Variants in SLC25A42 observed in about 807,000 individuals in gnomAD.
SLC25A42 encodes solute carrier family 25 member 42.
In SLC25A42, 19 loss-of-function variants were observed where a neutral mutation model predicts 34.7. That is an observed-to-expected ratio of 0.55 (90% CI 0.38 to 0.80). The LOEUF (loss-of-function observed/expected upper bound fraction) is 0.80, where lower values mean the gene tolerates loss of function less well. Ranked by LOEUF, SLC25A42 falls within the 30% of genes least tolerant of loss-of-function variation. SLC25A42 has a pLI of 0.00. For missense variants in SLC25A42, 364 were observed against 441.3 expected (o/e 0.82, Z 1.57); for synonymous variants, 205 against 191.2 (o/e 1.07, Z -0.59).
At chr19:19,075,006 T>G (rs1425908575) in intron 1 of SLC25A42, among the ~76,000 whole-genome samples, 1 of 151,902 alleles carries the variant, frequency 6.6e-6, no homozygotes, top group East Asian at 1.9e-4. Context: ...ATTTTAAAAT[T>G]AGCTGGGCAT....
intron 1 of SLC25A42, among the ~76,000 whole-genome samples, chr19:19,087,287 C>A (rs1305137349): frequency 2.6e-5 from 4 of 151,852 alleles, no homozygotes; most frequent in Non-Finnish European, 4.4e-5. Flanking sequence ...ATGTCAGGAT[C>A]TCTTTTTGGT....
At position 19,096,117 on chromosome 19, in the gene SLC25A42, G is replaced by A; in HGVS notation, c.-8G>A. 6.2e-7 allele frequency: 1 copy of A among 1,613,690 alleles called. No homozygotes were observed. The highest frequency in any genetic ancestry group is 8.5e-7 in the Non-Finnish European group (1 of 1,179,812). ...ACCGAGTCTCCTGCCATTCCGAGCA[G>A]GCCTGGTATGGGTAATGGTGTGAAG... On this transcript the variant is annotated 5_prime_UTR_variant, in exon 2 of 8. Transcript: ENST00000318596.
intron 2 of SLC25A42, among the ~76,000 whole-genome samples, chr19:19,101,395 A>G (rs1052642520): frequency 6.6e-6 from 1 of 152,100 alleles, no homozygotes; most frequent in Non-Finnish European, 1.5e-5. Flanking sequence ...CCTGACCCCA[A>G]CGGTCCCTGG....
intron 1 of SLC25A42, among the ~76,000 whole-genome samples, chr19:19,086,107 T>C (rs769837460): frequency 6.6e-5 from 10 of 152,204 alleles, no homozygotes; most frequent in Non-Finnish European, 1.0e-4. Flanking sequence ...GGACTTGGCA[T>C]GCCCCAGAAG....
At chr19:19,092,719 T>C (rs577391480) in intron 1 of SLC25A42, among the ~76,000 whole-genome samples, 5 of 152,178 alleles carry the variant, frequency 3.3e-5, no homozygotes, top group South Asian at 2.1e-4. Flanking sequence ...GCTGAATCCT[T>C]TCTGGGGAAG....
chr19:19,072,056 T>C (rs976325079), intron 1 of SLC25A42, among the ~76,000 whole-genome samples: 1 of 152,174 alleles, frequency 6.6e-6, no homozygotes, highest in Non-Finnish European at 1.5e-5. Context: ...TCTTGCTGTG[T>C]TGCCCAGGCT....
intron 1 of SLC25A42, among the ~76,000 whole-genome samples, chr19:19,072,246 G>T (rs1015238577): frequency 6.6e-6 from 1 of 152,226 alleles, no homozygotes; most frequent in African/African-American, 2.4e-5. Context: ...AATGGGATTT[G>T]CCCCAGCCCT....
chr19:19,104,804 G>A (rs78080220), intron 3 of SLC25A42, 109 bp from the exon 4 acceptor site: 12 of 918,836 alleles, frequency 1.3e-5, no homozygotes, highest in African/African-American at 4.3e-5. Context: ...GGACAAGATT[G>A]GGGGGAAAAG....
chr19:19,103,510 T>C (rs1357019143), intron 3 of SLC25A42, among the ~76,000 whole-genome samples: 1 of 150,944 alleles, frequency 6.6e-6, no homozygotes, highest in Non-Finnish European at 1.5e-5. Flanking sequence ...AAGGTCACCT[T>C]CTTGGAGACT....
At chr19:19,095,951 C>A (rs931284920) in intron 1 of SLC25A42, 140 bp from the exon 2 acceptor site, 15 of 707,350 alleles carry the variant, frequency 2.1e-5, no homozygotes, top group Admixed American at 8.0e-5. Context: ...GCAGTACACA[C>A]AGGACCGTGG....
chr19:19,097,152 C>T (rs1367313005), intron 2 of SLC25A42, among the ~76,000 whole-genome samples: 1 of 152,216 alleles, frequency 6.6e-6, no homozygotes, highest in African/African-American at 2.4e-5. Flanking sequence ...ACAGACCGAC[C>T]CAGCCCCACG....
Position 19,110,567 on chromosome 19 carries a change from A to G in SLC25A42, c.650-2A>G. ...ACGGCCCTCCCGCCCCTCGCCCTGC[A>G]GAGTACAGCGGCCGCCGGCAGCCCT... On this transcript the variant is annotated splice_acceptor_variant, in intron 7 of 7. Transcript: ENST00000318596. LOFTEE classifies it high-confidence loss of function. The G allele has an allele frequency of 1.4e-6, 2 of 1,412,910 alleles. No homozygotes were observed. The highest frequency in any genetic ancestry group is 1.8e-6 in the Non-Finnish European group (2 of 1,091,668). 87.5% of individuals were successfully genotyped at this position (1,412,910 alleles called of 1,614,324 possible).
intron 3 of SLC25A42, 77 bp from the exon 4 acceptor site, chr19:19,104,836 T>G: frequency 6.5e-7 from 1 of 1,536,574 alleles, no homozygotes; most frequent in East Asian, 2.3e-5. Flanking sequence ...TGCTAGTGGG[T>G]GCCAGGGGTG....
At position 19,081,534 on chromosome 19, in the gene SLC25A42, C is replaced by T. The variant is rs2059681939; in HGVS notation, c.-34-14557C>T. Among the ~76,000 whole-genome samples the T allele has an allele frequency of 1.3e-5, 2 of 152,124 alleles. No homozygotes were observed. Among genetic ancestry groups the T allele is most frequent in the South Asian group, 4.1e-4 (2 of 4,832 alleles). On this transcript the variant is annotated intron_variant, in intron 1 of 7. Transcript: ENST00000318596. This position sits in a 1 kb window ranked among gnomAD's most constrained non-coding sequence, Gnocchi z 4.5. ...GGAAGCCGAGGTGGGGGCTGATGGG[C>T]GTAGGTAGACTACCTGTCCCTTATA...
intron 4 of SLC25A42, 28 bp downstream of exon 4, chr19:19,104,966 T>A (rs769442868): frequency 6.2e-7 from 1 of 1,613,940 alleles, no homozygotes; most frequent in Non-Finnish European, 8.5e-7. Flanking sequence ...CGCCCCGGCC[T>A]GGGGACAGTC....
chr19:19,086,976 G>C (rs2059711448), intron 1 of SLC25A42, among the ~76,000 whole-genome samples: 1 of 152,054 alleles, frequency 6.6e-6, no homozygotes. Context: ...GTGTGTGGGG[G>C]GGTGCGCTGG....
Position 19,105,620 on chromosome 19 carries a change from C to A in SLC25A42, c.273C>A (p.Arg91=), listed in dbSNP as rs1363830075. ...ACGAGGGATTTCTCAGCTTGTGGCG[C>A]GGGAACTCGGCCACCATGGTGCGCG... is the stretch of plus-strand genomic sequence containing the variant. The part of the protein sequence containing the change: ...YLNEGFLSLW[R]GNSATMVRVV... Residue 91 remains arginine, a synonymous_variant, in exon 5 of 8, where the codon CGC becomes CGA. Coordinates refer to ENST00000318596, the MANE Select transcript of SLC25A42 (RefSeq NM_178526.5). 1.2e-6 allele frequency: 2 copies of A among 1,613,834 alleles called. No homozygotes were observed. The highest frequency in any genetic ancestry group is 1.7e-6 in the Non-Finnish European group (2 of 1,179,952).
At chr19:19,071,899 G>A (rs1019324258) in intron 1 of SLC25A42, among the ~76,000 whole-genome samples, 1 of 152,008 alleles carries the variant, frequency 6.6e-6, no homozygotes, top group African/African-American at 2.4e-5. Flanking sequence ...TAAAAATAAA[G>A]GGATGTTCTT....
chr19:19,085,522 C>T (rs1019102480), intron 1 of SLC25A42, among the ~76,000 whole-genome samples: 7 of 152,136 alleles, frequency 4.6e-5, no homozygotes, highest in Admixed American at 6.6e-5. Flanking sequence ...GCTGGGATTA[C>T]AGGTGCTCAC....
Sources: allele counts gnomAD v4.1 joint callset (sites outside exome capture counted in the v4.1 genomes callset), GRCh38; gene constraint gnomAD v4.1.1; non-coding constraint Gnocchi (gnomAD v3.1); transcripts MANE v1.5; gene names NCBI Gene and HGNC (gene_info 2026-07-23, HGNC 2026-07-21).